PRKN: variants seen among roughly 807,000 people sequenced by gnomAD.
PRKN encodes the protein parkin RBR E3 ubiquitin protein ligase.
In PRKN, 56 loss-of-function variants were observed where a neutral mutation model predicts 59.5. The ratio of observed to expected loss-of-function variants is 0.94; its 90% CI spans 0.76 to 1.18. The LOEUF (loss-of-function observed/expected upper bound fraction) is 1.18, where lower values mean the gene tolerates loss of function less well. Among genes scored for constraint, PRKN ranks in the 50% most tolerant of loss-of-function variants. The probability of loss-of-function intolerance (pLI) is 0.00; values close to 1 mark genes in which losing one functional copy is unlikely to be tolerated. For missense variants in PRKN, 657 were observed against 596.4 expected (o/e 1.10, Z -1.06); for synonymous variants, 250 against 222.1 (o/e 1.13, Z -1.12).
chr6:162,721,064 G>A (rs1348976041), intron 1 of PRKN, among the ~76,000 whole-genome samples: 1 of 152,204 alleles, frequency 6.6e-6, no homozygotes, highest in Non-Finnish European at 1.5e-5. Flanking sequence ...CAGAGATGAT[G>A]TAATGACATA....
chr6:161,916,205 T>C (rs73024530), intron 6 of PRKN, among the ~76,000 whole-genome samples: 12,984 of 152,212 alleles, frequency 0.085, 855 homozygotes, highest in East Asian at 0.34. Context: ...TCTGGCCTTA[T>C]GAAGACATAA....
At chr6:162,524,324 G>A (rs1374642254) in intron 1 of PRKN, among the ~76,000 whole-genome samples, 1 of 152,050 alleles carries the variant, frequency 6.6e-6, no homozygotes, top group Non-Finnish European at 1.5e-5. Context: ...TTTAATAAAC[G>A]TCTCTGTGTT....
chr6:161,598,907 G>A (rs1314888737), intron 7 of PRKN, among the ~76,000 whole-genome samples: 1 of 152,178 alleles, frequency 6.6e-6, no homozygotes, highest in Non-Finnish European at 1.5e-5. Flanking sequence ...CTTTGTAGAA[G>A]TAATCAAATT....
intron 7 of PRKN, among the ~76,000 whole-genome samples, chr6:161,777,906 ATG>A (rs1362531241): frequency 1.4e-5 from 2 of 144,462 alleles, no homozygotes; most frequent in African/African-American, 5.1e-5. Flanking sequence ...ATACATATAT[ATG>A]TGTATATATA....
At chr6:161,924,111 A>G (rs1251961849) in intron 6 of PRKN, among the ~76,000 whole-genome samples, 13 of 152,210 alleles carry the variant, frequency 8.5e-5, no homozygotes, top group Admixed American at 6.5e-4. Flanking sequence ...ATGGGATTAG[A>G]AAAAGAAACT....
intron 1 of PRKN, among the ~76,000 whole-genome samples, chr6:162,537,236 TTC>T (rs1413021202): frequency 6.6e-6 from 1 of 151,998 alleles, no homozygotes; most frequent in Non-Finnish European, 1.5e-5. Flanking sequence ...ACACGGAAAT[TTC>T]TCTGTTTTCC....
chr6:162,204,812 G>GCTTT lies in PRKN; in HGVS notation c.413-3564_413-3561dup, dbSNP rs368819675. Among the ~76,000 whole-genome samples the GCTTT allele has an allele frequency of 3.5e-3, 533 of 151,620 alleles. 3 individuals are homozygous for GCTTT. The highest frequency in any genetic ancestry group is 0.013 in the African/African-American group (517 of 41,340). ...ACCGTGGCCATTCAGAGGTCCACTG[G>GCTTT]CTTTCTACCATTCCTTAGCCTAAGA... On this transcript the variant is annotated intron_variant, in intron 3 of 11. Coordinates refer to ENST00000366898, the MANE Select transcript of PRKN (RefSeq NM_004562.3).
At chr6:162,235,869 C>T (rs574213828) in intron 3 of PRKN, among the ~76,000 whole-genome samples, 14 of 108,636 alleles carry the variant, frequency 1.3e-4, no homozygotes, top group Admixed American at 3.2e-4. Flanking sequence ...AAGAAAAAGA[C>T]GGAAAGAAAG....
At chr6:162,556,005 A>G (rs9347665) in intron 1 of PRKN, among the ~76,000 whole-genome samples, 36,275 of 135,246 alleles carry the variant, frequency 0.27, 5,780 homozygotes, top group East Asian at 0.45. Context: ...AAAAAGTGAG[A>G]AAACATTGGA....
In PRKN at chr6:161,356,269, G is replaced by A. The variant is rs184277667; in HGVS notation, c.1285+3819C>T. 6.6e-6 allele frequency among the ~76,000 whole-genome samples: 1 copy of A among 152,336 alleles called. No homozygotes were observed. Among genetic ancestry groups the A allele is most frequent in the African/African-American group, 2.4e-5 (1 of 41,582 alleles). ...AGTGCCCCCCAACAGGAGGGCAGGG[G>A]TCTTTGGCAGGGTGGTAAGGGGCGG... On this transcript the variant is annotated intron_variant, in intron 11 of 11. Coordinates refer to ENST00000366898, the MANE Select transcript of PRKN (RefSeq NM_004562.3). The surrounding 1 kb of genome is among the most constrained non-coding windows in gnomAD (Gnocchi z 7.8).
At chr6:161,753,847 CA>C (rs1444278416) in intron 7 of PRKN, among the ~76,000 whole-genome samples, 1 of 152,068 alleles carries the variant, frequency 6.6e-6, no homozygotes, top group Non-Finnish European at 1.5e-5. Context: ...TCTACTTTAT[CA>C]TTTTACATTT....
chr6:162,381,568 A>G (rs1289615189), intron 2 of PRKN, among the ~76,000 whole-genome samples: 1 of 152,188 alleles, frequency 6.6e-6, no homozygotes, highest in Non-Finnish European at 1.5e-5. Flanking sequence ...GTTTCCATTT[A>G]TCATGTTTCT....
At chr6:162,680,700 A>G (rs1779739045) in intron 1 of PRKN, among the ~76,000 whole-genome samples, 2 of 152,042 alleles carry the variant, frequency 1.3e-5, no homozygotes, top group African/African-American at 4.8e-5. Context: ...GGAGCTCACT[A>G]TTTAGGTAAT....
intron 4 of PRKN, among the ~76,000 whole-genome samples, chr6:162,086,473 C>T (rs892816393): frequency 2.0e-5 from 3 of 152,162 alleles, no homozygotes; most frequent in Non-Finnish European, 4.4e-5. Context: ...AGGAGCAAAA[C>T]GACTCGCTGT....
Position 161,355,328 on chromosome 6 carries a change from TA to T in PRKN, c.1285+4759del, listed in dbSNP as rs1784707063. ...GTGTGCCCTGATAGCTTGCTTCCTC[TA>T]TGTTATTTTATTAAAAAGATCGGTT... On this transcript the variant is annotated intron_variant, in intron 11 of 11. Coordinates refer to ENST00000366898, the MANE Select transcript of PRKN (RefSeq NM_004562.3). The surrounding 1 kb of genome is among the most constrained non-coding windows in gnomAD (Gnocchi z 6.8). 6.6e-6 allele frequency among the ~76,000 whole-genome samples: 1 copy of T among 152,254 alleles called. No homozygotes were observed. The highest frequency in any genetic ancestry group is 2.4e-5 in the African/African-American group (1 of 41,466).
chr6:161,608,609 T>C (rs1782373735), intron 7 of PRKN, among the ~76,000 whole-genome samples: 1 of 152,144 alleles, frequency 6.6e-6, no homozygotes, highest in African/African-American at 2.4e-5. Flanking sequence ...CTTGGCTCAC[T>C]GCAATCTCTG....
chr6:162,108,803 C>T (rs1375617386), intron 4 of PRKN, among the ~76,000 whole-genome samples: 2 of 152,162 alleles, frequency 1.3e-5, no homozygotes, highest in South Asian at 2.1e-4. Flanking sequence ...ATTTAATCAC[C>T]ATCACAGGAA....
At chr6:162,108,044 A>G (rs1412687757) in intron 4 of PRKN, among the ~76,000 whole-genome samples, 5 of 152,176 alleles carry the variant, frequency 3.3e-5, no homozygotes, top group Admixed American at 6.5e-5. Context: ...ATGCATTTTT[A>G]TCTGTTCATT....
intron 1 of PRKN, among the ~76,000 whole-genome samples, chr6:162,468,749 G>A (rs1442588706): frequency 1.3e-5 from 2 of 152,158 alleles, no homozygotes; most frequent in African/African-American, 4.8e-5. Flanking sequence ...ATTAAGTGTG[G>A]TCTCTTACCT....
Sources: allele counts gnomAD v4.1 joint callset (sites outside exome capture counted in the v4.1 genomes callset), GRCh38; gene constraint gnomAD v4.1.1; non-coding constraint Gnocchi (gnomAD v3.1); transcripts MANE v1.5; gene names NCBI Gene and HGNC (gene_info 2026-07-23, HGNC 2026-07-21).